Variants in KDM2B observed in about 807,000 individuals in gnomAD.
The protein encoded by KDM2B is lysine demethylase 2B.
In KDM2B, 26 loss-of-function variants were observed where a neutral mutation model predicts 150.0. That is an observed-to-expected ratio of 0.17 (90% CI 0.13 to 0.24). The LOEUF (loss-of-function observed/expected upper bound fraction) is 0.24. Among genes scored for constraint, KDM2B ranks in the 10% least tolerant of loss-of-function variants. The probability of loss-of-function intolerance (pLI) is 1.00; values close to 1 mark genes in which losing one functional copy is unlikely to be tolerated. For missense variants in KDM2B, 1,265 were observed against 1,816.9 expected (o/e 0.70, Z 5.52); for synonymous variants, 734 against 729.5 (o/e 1.01, Z -0.10).
rs558374050 is a variant in KDM2B, at chr12:121,511,714, C to T, written c.1174+1562G>A. Among the ~76,000 whole-genome samples, 7 of 152,360 alleles carry T rather than the reference C, an allele frequency of 4.6e-5. No homozygotes were observed. In the East Asian group the frequency reaches 7.7e-4, roughly 17 times the overall value. On this transcript the variant is annotated intron_variant, in intron 10 of 22. Coordinates refer to ENST00000377071, the MANE Select transcript of KDM2B (RefSeq NM_032590.5). ...ATAGACTAAAAACCACTGGATTCTA[C>T]ACCCTAAATGGTGAATTGTGTGATA...
intron 10 of KDM2B, among the ~76,000 whole-genome samples, chr12:121,510,709 C>T (rs1885511954): frequency 6.6e-6 from 1 of 151,982 alleles, no homozygotes. Flanking sequence ...GGGAGGATCA[C>T]TTGAGCCTGG....
intron 1 of KDM2B, 177 bp from the exon 2 acceptor site, chr12:121,579,123 G>C: frequency 1.4e-6 from 1 of 691,060 alleles, no homozygotes; most frequent in South Asian, 1.9e-5. Context: ...AAGGAGAGGG[G>C]CCCGCACCCC....
chr12:121,502,293 G>A (rs960093003), intron 11 of KDM2B, among the ~76,000 whole-genome samples: 1 of 152,144 alleles, frequency 6.6e-6, no homozygotes, highest in Non-Finnish European at 1.5e-5. Context: ...TTTACAGATG[G>A]CACAGGGATT....
At chr12:121,536,029 C>T in intron 6 of KDM2B, 1 of 985,388 alleles carries the variant, frequency 1.0e-6, no homozygotes, top group South Asian at 4.7e-5. Flanking sequence ...CCTCTTTTCC[C>T]CGCTGCACTT....
downstream of KDM2B, among the ~76,000 whole-genome samples, chr12:121,426,620 ATTTTT>A (rs34070273): frequency 1.8e-4 from 20 of 113,530 alleles, no homozygotes; most frequent in South Asian, 8.8e-4. Flanking sequence ...ATTTTAAACA[ATTTTT>A]TTTTTTTTTT....
intron 11 of KDM2B, among the ~76,000 whole-genome samples, chr12:121,499,557 T>C (rs557311476): frequency 3.0e-4 from 45 of 151,554 alleles, no homozygotes; most frequent in African/African-American, 1.1e-3. Flanking sequence ...GAGATTGAGG[T>C]GGGAGGATTG....
chr12:121,471,195 T>G (rs1316286497), intron 12 of KDM2B, among the ~76,000 whole-genome samples: 1 of 152,142 alleles, frequency 6.6e-6, no homozygotes, highest in Non-Finnish European at 1.5e-5. Context: ...CCTCCCTCCC[T>G]CCGTCTGACC....
intron 7 of KDM2B, among the ~76,000 whole-genome samples, chr12:121,534,120 C>T (rs536708385): frequency 1.6e-3 from 249 of 152,182 alleles, no homozygotes; most frequent in African/African-American, 3.9e-3. Flanking sequence ...GAGGCCAAGG[C>T]GGGCGGATCA....
chr12:121,559,368 A>G (rs996769768), intron 4 of KDM2B, among the ~76,000 whole-genome samples: 2 of 151,948 alleles, frequency 1.3e-5, no homozygotes, highest in Non-Finnish European at 1.5e-5. Flanking sequence ...AAGTGGTGGG[A>G]GGAGGAAGGA....
chr12:121,415,913 C>A, the KDM2B span, among the ~76,000 whole-genome samples: 31 of 108,356 alleles, frequency 2.9e-4, no homozygotes, highest in African/African-American at 1.1e-3. Context: ...GTTTTTTGTT[C>A]TGTAAAATTT....
intron 12 of KDM2B, among the ~76,000 whole-genome samples, chr12:121,475,127 T>C (rs1434638609): frequency 1.3e-5 from 2 of 151,698 alleles, no homozygotes; most frequent in Non-Finnish European, 2.9e-5. Context: ...TATGACGAAA[T>C]TGCCTAATGA....
chr12:121,446,235 A>G (rs553974129), intron 13 of KDM2B, among the ~76,000 whole-genome samples: 56 of 152,314 alleles, frequency 3.7e-4, no homozygotes, highest in Non-Finnish European at 6.8e-4. Context: ...CTCTACTAAA[A>G]ATACAAAAAG....
intron 11 of KDM2B, among the ~76,000 whole-genome samples, chr12:121,502,615 G>A (rs546302754): frequency 8.9e-4 from 131 of 147,456 alleles, no homozygotes; most frequent in African/African-American, 2.9e-3. Context: ...AGAGAGACTC[G>A]GACTCAAAAA....
chr12:121,466,454 G>A (rs1201211109), intron 12 of KDM2B, among the ~76,000 whole-genome samples: 1 of 152,120 alleles, frequency 6.6e-6, no homozygotes, highest in Non-Finnish European at 1.5e-5. Context: ...CCCGAGAGAG[G>A]TTGCTTTTCC....
At chr12:121,573,249 G>A (rs900115238) in intron 4 of KDM2B, among the ~76,000 whole-genome samples, 13 of 150,674 alleles carry the variant, frequency 8.6e-5, no homozygotes, top group East Asian at 4.0e-4. Flanking sequence ...ATGAGCCACC[G>A]TGCTCAGCCA....
At chr12:121,479,136 A>C (rs1472504611) in intron 12 of KDM2B, among the ~76,000 whole-genome samples, 1 of 151,854 alleles carries the variant, frequency 6.6e-6, no homozygotes, top group African/African-American at 2.4e-5. Flanking sequence ...TAAACAGTGG[A>C]ATGTCGGGTC....
chr12:121,532,131 A>C (rs1250096720), intron 8 of KDM2B, among the ~76,000 whole-genome samples: 1 of 151,930 alleles, frequency 6.6e-6, no homozygotes, highest in Non-Finnish European at 1.5e-5. Context: ...AAAAAAAAGA[A>C]AAAAAGCACA....
intron 6 of KDM2B, among the ~76,000 whole-genome samples, chr12:121,536,545 G>C (rs1339811030): frequency 3.9e-5 from 6 of 152,216 alleles, no homozygotes; most frequent in Non-Finnish European, 8.8e-5. Context: ...CTAAGGAAAG[G>C]GGGGGTCCTG....
intron 4 of KDM2B, among the ~76,000 whole-genome samples, chr12:121,561,467 C>T (rs1005370072): frequency 1.3e-5 from 2 of 152,172 alleles, no homozygotes; most frequent in African/African-American, 4.8e-5. Flanking sequence ...GGCCTGAGTT[C>T]GAGTGATACG....
Sources: allele counts gnomAD v4.1 joint callset (sites outside exome capture counted in the v4.1 genomes callset), GRCh38; gene constraint gnomAD v4.1.1; transcripts MANE v1.5; gene names NCBI Gene and HGNC (gene_info 2026-07-23, HGNC 2026-07-21).